ARHGEF12: variants seen among roughly 807,000 people sequenced by gnomAD.
ARHGEF12 encodes KMT2A/ARHGEF12 fusion protein.
Under a neutral mutation model 211.2 loss-of-function variants are expected in ARHGEF12, and 66 were observed. That is an observed-to-expected ratio of 0.31 (90% CI 0.26 to 0.38). The LOEUF (loss-of-function observed/expected upper bound fraction) is 0.38, where lower values mean the gene tolerates loss of function less well. ARHGEF12 is among the 10% of genes least tolerant of loss of function. The pLI is 1.00. For missense variants in ARHGEF12, 1,429 were observed against 1,869.5 expected, an observed-to-expected ratio of 0.76 and a Z score of 4.34; for synonymous variants, 592 against 638.4, an observed-to-expected ratio of 0.93 and a Z score of 1.09.
rs117413504 is a variant in ARHGEF12 at position 120,451,467 on chromosome 11, G to A, written c.1844-45G>A. ...GTTGGGATTATAGGCTTGAGCCACC[G>A]CACCCAGCCGCAATACAGATTATTA... On this transcript the variant is annotated intron_variant, in intron 21 of 40. Transcript: ENST00000397843. 9,877 of 1,591,636 alleles carry A rather than the reference G, an allele frequency of 6.2e-3. 451 individuals carry two copies. The East Asian group carries it at 0.14, about 22-fold the overall frequency.
chr11:120,480,799 C>T (rs1383128040), intron 38 of ARHGEF12, among the ~76,000 whole-genome samples: 2 of 152,038 alleles, frequency 1.3e-5, no homozygotes, highest in African/African-American at 2.4e-5. Context: ...TTAGGACCTC[C>T]GATGAGGTAG....
chr11:120,379,302 G>T (rs1350396039), intron 1 of ARHGEF12, among the ~76,000 whole-genome samples: 1 of 151,372 alleles, frequency 6.6e-6, no homozygotes, highest in Non-Finnish European at 1.5e-5. Flanking sequence ...TTGCTTTTTG[G>T]TGCTTTTTTT....
intron 1 of ARHGEF12, among the ~76,000 whole-genome samples, chr11:120,351,544 C>G (rs1942973118): frequency 7.1e-6 from 1 of 141,562 alleles, no homozygotes; most frequent in African/African-American, 2.6e-5. Context: ...GGTCTTGGCT[C>G]ACTTGAACCT....
chr11:120,401,298 G>C (rs1591545369), intron 1 of ARHGEF12, among the ~76,000 whole-genome samples: 3 of 152,252 alleles, frequency 2.0e-5, no homozygotes, highest in Middle Eastern at 3.4e-3. Flanking sequence ...AATACTTTTG[G>C]TTCTGTGAAT....
At chr11:120,397,338 G>A (rs140818479) in intron 1 of ARHGEF12, among the ~76,000 whole-genome samples, 44 of 152,276 alleles carry the variant, frequency 2.9e-4, no homozygotes, top group African/African-American at 1.0e-3. Flanking sequence ...TGATCTCGGG[G>A]ACGAGTGTGT....
intron 30 of ARHGEF12, among the ~76,000 whole-genome samples, chr11:120,470,786 G>A (rs968981601): frequency 2.2e-4 from 34 of 152,234 alleles, no homozygotes; most frequent in African/African-American, 7.2e-4. Flanking sequence ...TTTTGACTCC[G>A]CAGTTCTGTT....
intron 1 of ARHGEF12, among the ~76,000 whole-genome samples, chr11:120,345,956 G>T (rs1168815708): frequency 1.3e-5 from 2 of 151,696 alleles, no homozygotes; most frequent in Non-Finnish European, 2.9e-5. Flanking sequence ...AAAATAAATG[G>T]CCCAAATGAT....
At chr11:120,359,484 T>C (rs571189355) in intron 1 of ARHGEF12, among the ~76,000 whole-genome samples, 1 of 151,950 alleles carries the variant, frequency 6.6e-6, no homozygotes, top group African/African-American at 2.4e-5. Context: ...ACAAGTGATC[T>C]GCCCACCTTG....
rs1440121018 is a variant in ARHGEF12 at position 120,457,244 on chromosome 11, T to C, written c.2183T>C (p.Val728Ala). The change falls in exon 23 of 41, where the codon GTA becomes GCA. Residue 728 changes from valine (V) to alanine (A), a missense_variant. Around this residue, in one of 7 missense-constraint regions of ARHGEF12, gnomAD observed 373 missense variants for 467.5 expected, o/e 0.80. Transcript: ENST00000397843. ...CAAGTGCAGGAGGAGGAATGTGAAG[T>C]AGAAAGGTAATTCAGTGATCTCTTA... Reference protein sequence around the residue: ...LDQVQEEECEVERVTEHGTPK... With the variant: ...LDQVQEEECEAERVTEHGTPK... The C allele has an allele frequency of 6.2e-7, 1 of 1,613,868 alleles. No homozygotes were observed. The highest frequency in any genetic ancestry group is 2.2e-5 in the East Asian group (1 of 44,868).
At chr11:120,339,584 C>G (rs1412945286) in intron 1 of ARHGEF12, among the ~76,000 whole-genome samples, 1 of 152,244 alleles carries the variant, frequency 6.6e-6, no homozygotes. Flanking sequence ...GGCTTTGTTT[C>G]GTAGAGTGTG....
At chr11:120,428,028 A>G (rs762225041) in intron 7 of ARHGEF12, 41 bp from the exon 8 acceptor site, 40 of 1,481,696 alleles carry the variant, frequency 2.7e-5, no homozygotes, top group Non-Finnish European at 3.5e-5. Flanking sequence ...TGACAATGTT[A>G]TTTTCCCTTC....
chr11:120,426,900 G>A (rs533161327), intron 7 of ARHGEF12, among the ~76,000 whole-genome samples: 46 of 151,164 alleles, frequency 3.0e-4, no homozygotes, highest in African/African-American at 9.3e-4. Context: ...TTTTTGAGAC[G>A]AATTCTTGTT....
At chr11:120,389,691 CCT>C (rs1320483885) in intron 1 of ARHGEF12, among the ~76,000 whole-genome samples, 2 of 152,172 alleles carry the variant, frequency 1.3e-5, no homozygotes, top group Non-Finnish European at 2.9e-5. Flanking sequence ...CCCTTCCCAG[CCT>C]CTGATAATCA....
chr11:120,449,070 T>C (rs2135829800), intron 20 of ARHGEF12, 39 bp from the exon 21 acceptor site: 1 of 1,552,278 alleles, frequency 6.4e-7, no homozygotes, highest in Non-Finnish European at 8.8e-7. Context: ...AGAAATTTAC[T>C]CTGTTACGTA....
Position 120,489,494 on chromosome 11 carries a change from A to T in ARHGEF12, c.*4417A>T, listed in dbSNP as rs534548904. 1 of 223,166 alleles carries T rather than the reference A, an allele frequency of 4.5e-6. No homozygotes were observed. Among genetic ancestry groups the T allele is most frequent in the Non-Finnish European group, 8.9e-6 (1 of 111,798 alleles). The allele number at this position is 223,166 out of a possible 1,614,324, so 13.8% of individuals were successfully genotyped here. On this transcript the variant is annotated 3_prime_UTR_variant, in exon 41 of 41. Coordinates refer to ENST00000397843, the MANE Select transcript of ARHGEF12 (RefSeq NM_015313.3). The stretch of plus-strand genomic sequence containing the variant: ...ATATGCCTCTATTTTTCCTGTCCCC[A>T]GTGCTGGGCTTCTTCACATACCAAC...
At position 120,415,888 on chromosome 11, in the gene ARHGEF12, C is replaced by A. The variant is rs538573565; in HGVS notation, c.200-4865C>A. On this transcript the variant is annotated intron_variant, in intron 4 of 40. Coordinates refer to ENST00000397843, the MANE Select transcript of ARHGEF12 (RefSeq NM_015313.3). ...AAAGTACATGTTAAAGTACATCAAT[C>A]TCACATTAGCAGGTAAATATAAAAT... 2.0e-5 allele frequency among the ~76,000 whole-genome samples: 3 copies of A among 152,294 alleles called. No individual in the cohort carries two copies. The South Asian group carries it at 6.2e-4, about 32-fold the overall frequency.
intron 38 of ARHGEF12, among the ~76,000 whole-genome samples, chr11:120,480,922 C>T (rs1252677377): frequency 6.6e-6 from 1 of 152,078 alleles, no homozygotes; most frequent in East Asian, 1.9e-4. Context: ...AAAGAGCAAG[C>T]TTTTTGTGGT....
In ARHGEF12 at chr11:120,425,063, C is replaced by G. The variant is rs12283229; in HGVS notation, c.406+648C>G. ...GCAGTGGGAGTCTGCAGCTAACCTC[C>G]CGTCACTTGCAGGGTCAAAGGTGGA... On this transcript the variant is annotated intron_variant, in intron 7 of 40. Coordinates refer to ENST00000397843, the MANE Select transcript of ARHGEF12 (RefSeq NM_015313.3). Among the ~76,000 whole-genome samples, 926 of 152,222 alleles carry G rather than the reference C, an allele frequency of 6.1e-3. 9 individuals carry two copies. Among genetic ancestry groups the G allele is most frequent in the African/African-American group, 0.022 (903 of 41,520 alleles).
At chr11:120,392,684 A>G (rs932868385) in intron 1 of ARHGEF12, among the ~76,000 whole-genome samples, 12 of 152,222 alleles carry the variant, frequency 7.9e-5, no homozygotes, top group African/African-American at 2.7e-4. Context: ...CACTCTTGCC[A>G]TCAAAATCAT....
Sources: gnomAD v4.1 joint callset for allele counts (sites outside exome capture counted in the v4.1 genomes callset) on GRCh38, gnomAD v4.1.1 for gene constraint, gnomAD v4.1.1 regional missense constraint, MANE v1.5 for transcripts, NCBI Gene and HGNC (gene_info 2026-07-23, HGNC 2026-07-21) for gene names.